CREBBP: variants seen among roughly 807,000 people sequenced by gnomAD.
The protein encoded by CREBBP is CREB-binding protein.
CREBBP carries 19 observed loss-of-function variants against 265.0 expected under a neutral mutation model. That is an observed-to-expected ratio of 0.07 (90% CI 0.05 to 0.11). CREBBP has a LOEUF of 0.11. CREBBP is among the 10% of genes least tolerant of loss of function. CREBBP has a pLI of 1.00. For missense variants in CREBBP, 2,525 were observed against 3,219.0 expected (o/e 0.78, Z 5.22); for synonymous variants, 1,457 against 1,223.7 (o/e 1.19, Z -3.98).
intron 1 of CREBBP, among the ~76,000 whole-genome samples, chr16:3,868,772 C>A (rs1461812972): frequency 6.6e-6 from 1 of 152,162 alleles, no homozygotes; most frequent in East Asian, 1.9e-4. Flanking sequence ...CGGGACTGCT[C>A]ACCCACCACA....
rs1292732731 is a variant in CREBBP at position 3,850,797 on chromosome 16, C to A, written c.298G>T (p.Gly100Cys). ...TTCGGCTGCCCTTGAGCCTGGCCAC[C>A]CAGGCCCTGCTGCACGGGGCTGCTG... Reference protein sequence around the residue: ...SASSPVQQGLGGQAQGQPNSA... With the variant: ...SASSPVQQGLCGQAQGQPNSA... Residue 100 changes from glycine (G) to cysteine (C), a missense_variant, in exon 2 of 31, where the codon GGT (glycine) becomes TGT (cysteine). Gly to Cys is a radical substitution (Grantham distance 159). This residue lies in a region of CREBBP where 356 missense variants were observed against 340.4 expected (regional missense o/e 1.05). Transcript: ENST00000262367. 4 of 1,614,136 alleles carry A rather than the reference C, an allele frequency of 2.5e-6. No individual in the cohort carries two copies. The highest frequency in any genetic ancestry group is 3.4e-6 in the Non-Finnish European group (4 of 1,180,042).
chr16:3,795,197 C>T (rs188071785), intron 3 of CREBBP, among the ~76,000 whole-genome samples: 1 of 152,276 alleles, frequency 6.6e-6, no homozygotes, highest in African/African-American at 2.4e-5. Flanking sequence ...AAGCAGAACA[C>T]CATGAATGCA....
At chr16:3,814,312 T>G (rs945954255) in intron 2 of CREBBP, among the ~76,000 whole-genome samples, 3 of 151,248 alleles carry the variant, frequency 2.0e-5, no homozygotes, top group Admixed American at 6.6e-5. Context: ...TGGAATGCAG[T>G]GGCATGATTT....
At chr16:3,751,870 C>T (rs896893352) in intron 19 of CREBBP, 64 bp from the exon 20 acceptor site, 12 of 1,513,838 alleles carry the variant, frequency 7.9e-6, no homozygotes, top group African/African-American at 5.5e-5. Context: ...ACCCAAGCAA[C>T]GAAGCCACCA....
chr16:3,741,200 G>C (rs1379579078), intron 23 of CREBBP: 1 of 166,270 alleles, frequency 6.0e-6, no homozygotes, highest in African/African-American at 2.4e-5. Flanking sequence ...TACCGTCACA[G>C]GAGCTAGCCA....
In CREBBP at chr16:3,725,180, G is replaced by T. The variant is rs182274996; in HGVS notation, c.*2538C>A. ...GTATACAGCATGAGACACAGCGTTG[G>T]GGCTTTCCAGGTTTCTTACAGAAAT... On this transcript the variant is annotated 3_prime_UTR_variant, in exon 31 of 31. Transcript: ENST00000262367. The T allele has an allele frequency of 6.3e-4, 147 of 233,496 alleles. 1 individual carries two copies. In the South Asian group the frequency reaches 8.5e-3, roughly 14 times the overall value. 14.5% of individuals were successfully genotyped at this position (233,496 alleles called of 1,614,324 possible).
At chr16:3,787,893 G>C (rs77148607) in intron 5 of CREBBP, among the ~76,000 whole-genome samples, 5,482 of 152,216 alleles carry the variant, frequency 0.036, 228 homozygotes, top group African/African-American at 0.099. Flanking sequence ...TCAGGCTGGT[G>C]TTGAACATGA....
intron 3 of CREBBP, among the ~76,000 whole-genome samples, chr16:3,797,859 G>A (rs2053638418): frequency 6.6e-6 from 1 of 152,086 alleles, no homozygotes; most frequent in African/African-American, 2.4e-5. Context: ...TAGGACATGA[G>A]GATGAGAAAG....
At chr16:3,871,779 A>T (rs1371027789) in intron 1 of CREBBP, among the ~76,000 whole-genome samples, 1 of 152,258 alleles carries the variant, frequency 6.6e-6, no homozygotes, top group Admixed American at 6.5e-5. Flanking sequence ...GTACAACTCC[A>T]CTACACAACT....
At chr16:3,786,976 G>A (rs1322319360) in intron 5 of CREBBP, among the ~76,000 whole-genome samples, 1 of 151,890 alleles carries the variant, frequency 6.6e-6, no homozygotes, top group Non-Finnish European at 1.5e-5. Context: ...GGGAGGCTGA[G>A]GCAGGAATCA....
intron 1 of CREBBP, among the ~76,000 whole-genome samples, chr16:3,872,172 C>T (rs890499678): frequency 6.6e-6 from 1 of 152,104 alleles, no homozygotes; most frequent in African/African-American, 2.4e-5. Flanking sequence ...CCAGAAAACA[C>T]CCTAAAGGCA....
chr16:3,850,281 G>T lies in CREBBP; in HGVS notation c.798+16C>A. 3 of 1,613,684 alleles carry T rather than the reference G, an allele frequency of 1.9e-6. No homozygotes were observed. The highest frequency in any genetic ancestry group is 2.5e-6 in the Non-Finnish European group (3 of 1,179,550). ...CGGTTAGGTAGGAAGTATTGAAAGT[G>T]CTTCAGTTCACTTACCTTGGCCATG... On this transcript the variant is annotated intron_variant, in intron 2 of 30. Coordinates refer to ENST00000262367, the MANE Select transcript of CREBBP (RefSeq NM_004380.3).
chr16:3,813,095 C>T (rs1015362672), intron 2 of CREBBP: 6 of 230,224 alleles, frequency 2.6e-5, no homozygotes, highest in African/African-American at 1.3e-4. Context: ...CAACACTCAA[C>T]ACAACTGGCC....
intron 15 of CREBBP, among the ~76,000 whole-genome samples, 172 bp downstream of exon 15, chr16:3,769,002 A>G (rs2052931775): frequency 6.6e-6 from 1 of 152,234 alleles, no homozygotes; most frequent in Admixed American, 6.5e-5. Context: ...TTAAAAATGA[A>G]AAACCAAGCT....
At position 3,793,458 on chromosome 16, in the gene CREBBP, G is replaced by C. The variant is rs1555486736; in HGVS notation, c.1144C>G (p.Leu382Val). ...TTTTTCATGGTTCGACAATGCGGGAGCGAGCAGGCCCGAACCTCTCCGTTT... is the reference window on the plus strand; with the variant it reads ...TTTTTCATGGTTCGACAATGCGGGACCGAGCAGGCCCGAACCTCTCCGTTT... The part of the protein sequence containing the change: ...QANGEVRACS[L>V]PHCRTMKNVL... Residue 382 changes from leucine to valine, a missense_variant, in exon 4 of 31, where the codon CTC (leucine) becomes GTC (valine). Around this residue, in one of 19 missense-constraint regions of CREBBP, gnomAD observed 126 missense variants for 171.9 expected, o/e 0.73. Coordinates refer to ENST00000262367, the MANE Select transcript of CREBBP (RefSeq NM_004380.3). 1 of 1,614,148 alleles carries C rather than the reference G, an allele frequency of 6.2e-7. No homozygotes were observed. The highest frequency in any genetic ancestry group is 8.5e-7 in the Non-Finnish European group (1 of 1,180,028).
intron 1 of CREBBP, among the ~76,000 whole-genome samples, chr16:3,860,016 T>TG (rs530114552): frequency 6.1e-4 from 92 of 151,888 alleles, no homozygotes; most frequent in African/African-American, 2.1e-3. Context: ...TTGCAAATGG[T>TG]GGGGGGCGGG....
chr16:3,849,629 C>T (rs1313285327), intron 2 of CREBBP, among the ~76,000 whole-genome samples: 1 of 150,544 alleles, frequency 6.6e-6, no homozygotes, highest in African/African-American at 2.5e-5. Context: ...CCTTGGCCTC[C>T]CAAAGTGCTG....
At chr16:3,777,385 T>C (rs555915184) in intron 11 of CREBBP, among the ~76,000 whole-genome samples, 2 of 151,966 alleles carry the variant, frequency 1.3e-5, no homozygotes, top group African/African-American at 4.8e-5. Flanking sequence ...AATAAATAAA[T>C]AGCTAAATAC....
chr16:3,871,199 TCACACACACA>T (rs1037838119), intron 1 of CREBBP, among the ~76,000 whole-genome samples: 18 of 49,738 alleles, frequency 3.6e-4, no homozygotes, highest in Non-Finnish European at 6.4e-4. Flanking sequence ...TCTCTCTCAC[TCACACACACA>T]CACACACACA....
Sources: allele counts gnomAD v4.1 joint callset (sites outside exome capture counted in the v4.1 genomes callset), GRCh38; gene constraint gnomAD v4.1.1; regional missense constraint gnomAD v4.1.1; transcripts MANE v1.5; gene names NCBI Gene and HGNC (gene_info 2026-07-23, HGNC 2026-07-21).